Variants in MZT2A observed in about 807,000 individuals in gnomAD.
The protein encoded by MZT2A is mitotic-spindle organizing protein 2A.
Under a neutral mutation model 12.4 loss-of-function variants are expected in MZT2A, and 8 were observed. The observed-to-expected ratio is 0.64, with a 90% CI of 0.38 to 1.16. The LOEUF is 1.16. MZT2A is among the 50% of genes most tolerant of loss of function. The probability of loss-of-function intolerance (pLI) is 0.01; values close to 1 mark genes in which losing one functional copy is unlikely to be tolerated. For synonymous variants in MZT2A, 88 were observed against 107.5 expected (o/e 0.82, Z 1.12); for missense variants, 181 against 223.6 (o/e 0.81, Z 1.22).
At chr2:131,493,263 C>T (rs377064181), upstream of MZT2A, 94 of 1,341,456 alleles carry the variant, frequency 7.0e-5, no homozygotes, top group African/African-American at 1.4e-3. Flanking sequence ...CGGCTCTGCC[C>T]AGGCCGGGCA....
At chr2:131,470,509 C>T (rs572064178) in intron 3 of MZT2A, among the ~76,000 whole-genome samples, 2 of 151,790 alleles carry the variant, frequency 1.3e-5, no homozygotes, top group Non-Finnish European at 2.9e-5. Flanking sequence ...CTGTGCTCAC[C>T]TCACCCCAGC....
At position 131,484,059 on chromosome 2, in the gene MZT2A, T is replaced by A. The variant is rs200640575; in HGVS notation, c.*2A>T. On this transcript the variant is annotated 3_prime_UTR_variant, in exon 3 of 3. Coordinates refer to ENST00000309451, the MANE Select transcript of MZT2A (RefSeq NM_001085365.2). ...AAAGATGTGACAAGTCTCTGCCCCA[T>A]CCTAGGTGCTGCCCTGCGTAGGGCT... 3 of 1,604,146 alleles carry A rather than the reference T, an allele frequency of 1.9e-6. No homozygotes were observed. Among genetic ancestry groups the A allele is most frequent in the Non-Finnish European group, 2.6e-6 (3 of 1,172,728 alleles).
At chr2:131,476,617 G>C (rs1411731636) in intron 2 of MZT2A, among the ~76,000 whole-genome samples, 1 of 152,170 alleles carries the variant, frequency 6.6e-6, no homozygotes, top group Non-Finnish European at 1.5e-5. Flanking sequence ...AGACGCTGCT[G>C]CAACATTGCC....
chr2:131,490,616 C>G, intron 2 of MZT2A: 1 of 1,548,166 alleles, frequency 6.5e-7, no homozygotes, highest in Non-Finnish European at 8.7e-7. Flanking sequence ...TGATCCTGCC[C>G]TTGCAGCTCA....
chr2:131,483,324 G>A (rs949795347), downstream of MZT2A, among the ~76,000 whole-genome samples: 5 of 151,840 alleles, frequency 3.3e-5, no homozygotes, highest in Admixed American at 3.3e-4. Flanking sequence ...TTTTAGAGGG[G>A]GAAAGAGTAT....
At chr2:131,477,319 G>A (rs1678707397) in intron 2 of MZT2A, among the ~76,000 whole-genome samples, 1 of 152,146 alleles carries the variant, frequency 6.6e-6, no homozygotes, top group Non-Finnish European at 1.5e-5. Context: ...ATAGGAATGA[G>A]CCACCACACC....
intron 2 of MZT2A, among the ~76,000 whole-genome samples, chr2:131,474,754 G>A (rs958763869): frequency 6.6e-5 from 10 of 151,808 alleles, no homozygotes; most frequent in Admixed American, 4.6e-4. Context: ...CTCAGGCTAG[G>A]CCAGCCAAGG....
upstream of MZT2A, chr2:131,492,924 C>T (rs891533990): frequency 1.2e-4 from 187 of 1,521,648 alleles, 1 homozygote; most frequent in South Asian, 2.2e-4. Flanking sequence ...CTCCCTCCCC[C>T]CGCACTCCTG....
At chr2:131,487,036 GCTA>G (rs1240781334) in intron 2 of MZT2A, among the ~76,000 whole-genome samples, 1 of 152,148 alleles carries the variant, frequency 6.6e-6, no homozygotes, top group Non-Finnish European at 1.5e-5. Flanking sequence ...CTCGGGAGGG[GCTA>G]CTGAGTCAGA....
chr2:131,492,403 C>T (rs1679370326), upstream of MZT2A: 2 of 1,232,648 alleles, frequency 1.6e-6, no homozygotes, highest in African/African-American at 3.2e-5. Flanking sequence ...AAGGTGCGCC[C>T]CGCCCCGCCG....
At chr2:131,470,572 C>T (rs573776636) in intron 3 of MZT2A, among the ~76,000 whole-genome samples, 4 of 152,356 alleles carry the variant, frequency 2.6e-5, no homozygotes, top group African/African-American at 7.2e-5. Flanking sequence ...AACAACCCCA[C>T]ACCAAGAAAG....
chr2:131,472,878 G>C (rs562071468), intron 2 of MZT2A, among the ~76,000 whole-genome samples: 12 of 151,858 alleles, frequency 7.9e-5, no homozygotes, highest in South Asian at 2.1e-4. Context: ...TGTGGTTGGA[G>C]CCTTGAGGAA....
intron 2 of MZT2A, among the ~76,000 whole-genome samples, chr2:131,488,588 C>T (rs1490591749): frequency 6.6e-6 from 1 of 151,886 alleles, no homozygotes; most frequent in Non-Finnish European, 1.5e-5. Flanking sequence ...ATCCTCCACC[C>T]CAGATTCTGC....
At chr2:131,489,059 C>T (rs1175291199) in intron 2 of MZT2A, among the ~76,000 whole-genome samples, 1 of 152,198 alleles carries the variant, frequency 6.6e-6, no homozygotes, top group African/African-American at 2.4e-5. Context: ...TCTGCCTCTC[C>T]CATGCCCTCC....
intron 2 of MZT2A, among the ~76,000 whole-genome samples, chr2:131,487,647 G>A (rs1679104771): frequency 6.6e-6 from 1 of 152,158 alleles, no homozygotes; most frequent in South Asian, 2.1e-4. Flanking sequence ...AAATGGGTGG[G>A]GTCTTGCTAT....
intron 2 of MZT2A, among the ~76,000 whole-genome samples, chr2:131,472,518 A>T (rs1193424139): frequency 3.3e-5 from 5 of 152,218 alleles, no homozygotes; most frequent in African/African-American, 1.2e-4. Context: ...AAAAATAAAT[A>T]TTGCAGCCAT....
upstream of MZT2A, chr2:131,493,169 C>G: frequency 7.0e-7 from 1 of 1,428,274 alleles, no homozygotes; most frequent in South Asian, 1.5e-5. Flanking sequence ...GCGCGTGAGA[C>G]GGTCCGACGC....
At chr2:131,492,135 G>T (rs1679344548) in intron 1 of MZT2A, 72 bp downstream of exon 1, 3 of 1,541,478 alleles carry the variant, frequency 1.9e-6, no homozygotes, top group East Asian at 2.4e-5. Context: ...CCCGACCAGC[G>T]GGCCGGGCGT....
At chr2:131,492,143 C>T in intron 1 of MZT2A, 64 bp downstream of exon 1, 1 of 1,538,560 alleles carries the variant, frequency 6.5e-7, no homozygotes, top group Non-Finnish European at 8.8e-7. Context: ...GCGGGCCGGG[C>T]GTACCCGGAG....
Sources: gnomAD v4.1 joint callset for allele counts (sites outside exome capture counted in the v4.1 genomes callset) on GRCh38, gnomAD v4.1.1 for gene constraint, MANE v1.5 for transcripts, NCBI Gene and HGNC (gene_info 2026-07-23, HGNC 2026-07-21) for gene names.